The following PLEKHA4 variants were observed in gnomAD, a reference collection of about 807,000 sequenced individuals.
PLEKHA4 encodes pleckstrin homology domain containing A4, also known as pleckstrin homology domain-containing family A member 4.
In PLEKHA4, 73 loss-of-function variants were observed where a neutral mutation model predicts 94.7. The observed-to-expected ratio is 0.77, with a 90% confidence interval of 0.64 to 0.94. The LOEUF (loss-of-function observed/expected upper bound fraction) is 0.94, where lower values mean the gene tolerates loss of function less well. Ranked by LOEUF, PLEKHA4 falls within the 40% of genes least tolerant of loss-of-function variation. The pLI is 0.00. For missense variants in PLEKHA4, 1,049 were observed against 1,054.1 expected, an observed-to-expected ratio of 1.00 and a Z score of 0.07; for synonymous variants, 449 against 437.1, an observed-to-expected ratio of 1.03 and a Z score of -0.34.
At chr19:48,863,156 TAA>T (rs2036707547) in intron 3 of PLEKHA4, among the ~76,000 whole-genome samples, 1 of 152,240 alleles carries the variant, frequency 6.6e-6, no homozygotes, top group Admixed American at 6.6e-5. Flanking sequence ...TTTAAAATTA[TAA>T]GTTAGATCAC....
chr19:48,839,691 A>G (rs1337192392), intron 17 of PLEKHA4, among the ~76,000 whole-genome samples: 1 of 151,872 alleles, frequency 6.6e-6, no homozygotes, highest in Admixed American at 6.6e-5. Flanking sequence ...GGTGAGCCAT[A>G]GCACCCAGTG....
chr19:48,847,796 G>C, intron 14 of PLEKHA4, 104 bp downstream of exon 14: 1 of 1,341,996 alleles, frequency 7.5e-7, no homozygotes, highest in Non-Finnish European at 9.9e-7. Context: ...TACCAGGTGG[G>C]TTAGCTGATC....
intron 16 of PLEKHA4, among the ~76,000 whole-genome samples, 181 bp from the exon 17 acceptor site, chr19:48,841,491 G>A (rs2035767065): frequency 6.6e-6 from 1 of 151,972 alleles, no homozygotes; most frequent in Admixed American, 6.6e-5. Context: ...GCTGGGCGTG[G>A]TGGCAGGCAC....
At chr19:48,838,876 G>A (rs925936482) in intron 18 of PLEKHA4, among the ~76,000 whole-genome samples, 3 of 152,004 alleles carry the variant, frequency 2.0e-5, no homozygotes, top group Admixed American at 1.3e-4. Context: ...TTCCTAGCAC[G>A]TGTCTCTAAA....
intron 2 of PLEKHA4, among the ~76,000 whole-genome samples, chr19:48,866,495 C>T (rs566343019): frequency 6.6e-5 from 10 of 152,076 alleles, no homozygotes; most frequent in Non-Finnish European, 4.4e-5. Flanking sequence ...TTAGCAGAGA[C>T]GCGGTTTCGC....
In PLEKHA4 at chr19:48,845,243, T is replaced by G. The variant is rs185867095; in HGVS notation, c.1743+127A>C. On this transcript the variant is annotated intron_variant, in intron 16 of 19. Coordinates refer to ENST00000263265, the MANE Select transcript of PLEKHA4 (RefSeq NM_020904.3). ...CAGAGACAAAAATCAATCTCAATGCTCTTAACAAGCAGTGCTCTCTCTGCT... is the reference window on the plus strand; with the variant it reads ...CAGAGACAAAAATCAATCTCAATGCGCTTAACAAGCAGTGCTCTCTCTGCT... 1.3e-3 allele frequency: 1,122 copies of G among 881,528 alleles called. 10 individuals carry two copies. The Admixed American group carries it at 0.023, about 18-fold the overall frequency. 54.6% of individuals were successfully genotyped at this position (881,528 alleles called of 1,614,324 possible). A position where few individuals can be genotyped will look rare whatever the true frequency, so the allele number is the denominator to read the frequency against.
At position 48,859,128 on chromosome 19, in the gene PLEKHA4, G is replaced by T. The variant is rs557190537; in HGVS notation, c.704C>A (p.Pro235His). Residue 235 changes from proline (P) to histidine (H), a missense_variant, in exon 8 of 20, where the codon CCC becomes CAC. By Grantham distance (77) the Pro-to-His change is moderately conservative. Transcript: ENST00000263265. ...RRARSPDLFT[P>H]LSRPPSPLSL... ...CAGAGGCGAGGGAGGGCGAGAGAGG[G>T]GGGTGAACAGGCTGTGGGAAGGAGA... 4 of 1,520,194 alleles carry T rather than the reference G, an allele frequency of 2.6e-6. No homozygotes were observed. The highest frequency in any genetic ancestry group is 2.5e-5 in the East Asian group (1 of 40,658). The allele number at this position is 1,520,194 out of a possible 1,614,324, so 94.2% of individuals were successfully genotyped here. A position where few individuals can be genotyped will look rare whatever the true frequency, so the allele number is the denominator to read the frequency against.
At chr19:48,857,777 C>T (rs1278884700) in intron 8 of PLEKHA4, among the ~76,000 whole-genome samples, 5 of 150,924 alleles carry the variant, frequency 3.3e-5, no homozygotes, top group South Asian at 2.1e-4. Context: ...ACAAACACTG[C>T]GGAAGGCCGC....
rs1425762156 is a variant in PLEKHA4, at chr19:48,861,513, G to C, written c.266-12C>G. On this transcript the variant is annotated splice_polypyrimidine_tract_variant and intron_variant, in intron 4 of 19. Coordinates refer to ENST00000263265, the MANE Select transcript of PLEKHA4 (RefSeq NM_020904.3). ...CTCCTCGCGGCTGTCTGCAAAGAGG[G>C]GCTGGGGTCAAGGATCACACAGGGA... 1 of 1,613,628 alleles carries C rather than the reference G, an allele frequency of 6.2e-7. No individual in the cohort carries two copies. The highest frequency in any genetic ancestry group is 1.1e-5 in the South Asian group (1 of 91,066).
intron 9 of PLEKHA4, among the ~76,000 whole-genome samples, chr19:48,856,874 G>A (rs1481923287): frequency 1.5e-5 from 2 of 130,950 alleles, no homozygotes; most frequent in East Asian, 2.1e-4. Context: ...ACTCCAGCCT[G>A]GGCGACAGAG....
Position 48,861,505 on chromosome 19 carries a change from C to A in PLEKHA4, c.266-4G>T. On this transcript the variant is annotated splice_region_variant and splice_polypyrimidine_tract_variant and intron_variant, in intron 4 of 19. Transcript: ENST00000263265. The stretch of plus-strand genomic sequence containing the variant: ...AGGACACTCTCCTCGCGGCTGTCTG[C>A]AAAGAGGGGCTGGGGTCAAGGATCA... The A allele has an allele frequency of 6.2e-7, 1 of 1,613,942 alleles. No homozygotes were observed.
rs607356 is a variant in PLEKHA4, at chr19:48,867,984, T to C, written c.-7+99A>G. 76,029 of 217,004 alleles carry C rather than the reference T, an allele frequency of 0.35. 14,654 individuals carry two copies. Among genetic ancestry groups the C allele is most frequent in the African/African-American group, 0.53 (23,312 of 43,942 alleles). 13.4% of individuals were successfully genotyped at this position (217,004 alleles called of 1,614,324 possible). On this transcript the variant is annotated intron_variant, in intron 1 of 19. Coordinates refer to ENST00000263265, the MANE Select transcript of PLEKHA4 (RefSeq NM_020904.3). This position sits in a 1 kb window ranked among gnomAD's most constrained non-coding sequence, Gnocchi z 4.7. The stretch of plus-strand genomic sequence containing the variant: ...GCTACCTGTCTCCCGCCCTCCCACA[T>C]GCACCCCCAAACCACCCCTGCCAAC...
chr19:48,837,786 TGTC>T lies in PLEKHA4; in HGVS notation c.2077+228_2077+230del. Reference sequence around the variant, plus strand: ...AGTCCAGTCCTCTTTGAGACTCAGTTGTCGGCCCTCTCCCCGCCCCCTGACCTC... The same window carrying T: ...AGTCCAGTCCTCTTTGAGACTCAGTTGGCCCTCTCCCCGCCCCCTGACCTC... On this transcript the variant is annotated intron_variant, in intron 19 of 19. Transcript: ENST00000263265. The surrounding 1 kb of genome is among the most constrained non-coding windows in gnomAD (Gnocchi z 4.3). Among the ~76,000 whole-genome samples the T allele has an allele frequency of 6.6e-6, 1 of 151,318 alleles. No homozygotes were observed. The highest frequency in any genetic ancestry group is 6.6e-5 in the Admixed American group (1 of 15,168).
intron 13 of PLEKHA4, among the ~76,000 whole-genome samples, chr19:48,848,963 G>C (rs573199366): frequency 6.6e-6 from 1 of 152,212 alleles, no homozygotes; most frequent in African/African-American, 2.4e-5. Flanking sequence ...GCAATGGCTT[G>C]ATCATAGCTC....
At chr19:48,859,864 A>G (rs1369661317) in intron 6 of PLEKHA4, among the ~76,000 whole-genome samples, 180 bp from the exon 7 acceptor site, 1 of 152,208 alleles carries the variant, frequency 6.6e-6, no homozygotes, top group Non-Finnish European at 1.5e-5. Flanking sequence ...CCTGTGCGCC[A>G]GGCCACAACG....
intron 3 of PLEKHA4, among the ~76,000 whole-genome samples, chr19:48,864,771 A>G (rs1030371625): frequency 2.6e-5 from 4 of 151,994 alleles, no homozygotes; most frequent in African/African-American, 4.8e-5. Context: ...AGGTTTCTTC[A>G]TGTTGCCCAG....
chr19:48,846,413 T>C (rs2035973983), intron 14 of PLEKHA4, among the ~76,000 whole-genome samples: 4 of 150,954 alleles, frequency 2.6e-5, no homozygotes, highest in Admixed American at 1.3e-4. Context: ...ATCGAGCCAC[T>C]TGCACTCCAG....
At chr19:48,857,102 A>G (rs926469014) in intron 9 of PLEKHA4, among the ~76,000 whole-genome samples, 1 of 151,990 alleles carries the variant, frequency 6.6e-6, no homozygotes, top group Non-Finnish European at 1.5e-5. Context: ...AAAAAAAACC[A>G]CAGAACCTCA....
chr19:48,837,264 C>T lies in PLEKHA4; in HGVS notation c.*25G>A, dbSNP rs998849441. 30 of 1,613,854 alleles carry T rather than the reference C, an allele frequency of 1.9e-5. No homozygotes were observed. In the Middle Eastern group the frequency reaches 4.9e-4, roughly 27 times the overall value. ...ACCTCCAGACCACGTCCTCGCGCTC[C>T]GATTGGCTGCCGCTTTTGGGCGGAT... On this transcript the variant is annotated 3_prime_UTR_variant, in exon 20 of 20. Transcript: ENST00000263265. The surrounding 1 kb of genome is among the most constrained non-coding windows in gnomAD (Gnocchi z 4.3).
Sources: allele counts gnomAD v4.1 joint callset (sites outside exome capture counted in the v4.1 genomes callset), GRCh38; gene constraint gnomAD v4.1.1; non-coding constraint Gnocchi (gnomAD v3.1); transcripts MANE v1.5; gene names NCBI Gene and HGNC (gene_info 2026-07-23, HGNC 2026-07-21).